ASTN2: variants seen among roughly 807,000 people sequenced by gnomAD.
ASTN2 encodes the protein astrotactin 2.
ASTN2 carries 54 observed loss-of-function variants against 139.8 expected under a neutral mutation model. The observed-to-expected ratio is 0.39, with a 90% CI of 0.31 to 0.48. The LOEUF is 0.48. ASTN2 is among the 20% of genes least tolerant of loss of function. The probability of loss-of-function intolerance (pLI) is 0.95; values close to 1 mark genes in which losing one functional copy is unlikely to be tolerated. For missense variants in ASTN2, 1,565 were observed against 1,725.1 expected (o/e 0.91, Z 1.64); for synonymous variants, 756 against 719.5 (o/e 1.05, Z -0.81).
chr9:116,533,147 T>C (rs1005078176), intron 19 of ASTN2, among the ~76,000 whole-genome samples: 4 of 152,224 alleles, frequency 2.6e-5, no homozygotes, highest in African/African-American at 9.6e-5. Flanking sequence ...TCACTTATGA[T>C]TTGGCTCTCT....
intron 10 of ASTN2, among the ~76,000 whole-genome samples, chr9:116,884,427 A>G (rs1398465858): frequency 6.6e-6 from 1 of 152,172 alleles, no homozygotes; most frequent in African/African-American, 2.4e-5. Context: ...AGTTGGCTGT[A>G]ATCTGAGGTC....
intron 3 of ASTN2, among the ~76,000 whole-genome samples, chr9:117,196,595 G>A (rs535888381): frequency 1.9e-4 from 29 of 152,242 alleles, no homozygotes; most frequent in Middle Eastern, 6.8e-3. Context: ...TGGTATTTAA[G>A]GGTATATCTC....
intron 10 of ASTN2, among the ~76,000 whole-genome samples, chr9:116,948,492 A>C (rs10759876): frequency 0.75 from 114,175 of 152,004 alleles, 43,274 homozygotes; most frequent in Admixed American, 0.84. Context: ...ACAAGATATT[A>C]CTGGTATAAC....
intron 20 of ASTN2, among the ~76,000 whole-genome samples, chr9:116,471,593 G>A (rs1196556635): frequency 5.9e-5 from 9 of 151,984 alleles, no homozygotes; most frequent in Admixed American, 1.3e-4. Flanking sequence ...AAGGAAGTTG[G>A]GCAGTAAAGG....
chr9:116,922,530 C>A (rs923606583), intron 10 of ASTN2, among the ~76,000 whole-genome samples: 5 of 152,032 alleles, frequency 3.3e-5, no homozygotes, highest in Non-Finnish European at 7.4e-5. Flanking sequence ...AATGCATGCA[C>A]AAGTCTGTGT....
At chr9:116,668,409 C>T (rs1859000448) in intron 16 of ASTN2, among the ~76,000 whole-genome samples, 1 of 152,148 alleles carries the variant, frequency 6.6e-6, no homozygotes, top group African/African-American at 2.4e-5. Flanking sequence ...CCAGGCTGAC[C>T]TTGAACTCCT....
chr9:117,307,872 C>A (rs934414287), intron 1 of ASTN2, among the ~76,000 whole-genome samples: 1 of 152,134 alleles, frequency 6.6e-6, no homozygotes, highest in Admixed American at 6.5e-5. Context: ...ACAGAAAGAC[C>A]AAATCCTCTC....
intron 2 of ASTN2, among the ~76,000 whole-genome samples, chr9:117,248,667 C>G (rs1833452876): frequency 1.3e-5 from 2 of 152,198 alleles, no homozygotes; most frequent in African/African-American, 4.8e-5. Flanking sequence ...TTTCTAGAGA[C>G]AGAAGCAAAG....
At chr9:116,861,496 C>T (rs182945538) in intron 11 of ASTN2, among the ~76,000 whole-genome samples, 26 of 152,242 alleles carry the variant, frequency 1.7e-4, no homozygotes, top group Non-Finnish European at 2.8e-4. Flanking sequence ...AGCACTTTTC[C>T]AATGTGCTAT....
At chr9:116,528,481 C>G (rs894523798) in intron 19 of ASTN2, among the ~76,000 whole-genome samples, 4 of 152,102 alleles carry the variant, frequency 2.6e-5, no homozygotes, top group African/African-American at 9.7e-5. Flanking sequence ...AAAAGAGAAG[C>G]AAAGCATAAA....
At chr9:116,756,552 G>C (rs1199257879) in intron 13 of ASTN2, among the ~76,000 whole-genome samples, 1 of 152,030 alleles carries the variant, frequency 6.6e-6, no homozygotes, top group Non-Finnish European at 1.5e-5. Context: ...AAGCCACAGA[G>C]AGAATTTGCA....
In ASTN2 at chr9:116,487,461, A is replaced by C. The variant is rs199818695; in HGVS notation, c.3395T>G (p.Leu1132Arg). 1.2e-5 allele frequency: 19 copies of C among 1,614,074 alleles called. No homozygotes were observed. In the Admixed American group the frequency reaches 2.5e-4, roughly 21 times the overall value. ...LSFADDLLSG[L>R]GTSCVAAGRS... ...ACCAGCTGCTACACAAGATGTGCCC[A>C]GGCCAGAGAGTAAGTCATCAGCAAA... The change falls in exon 20 of 23, where the codon CTG (leucine) becomes CGG (arginine). Residue 1132 changes from leucine (L) to arginine (R), a missense_variant. Coordinates refer to ENST00000313400, the MANE Select transcript of ASTN2 (RefSeq NM_001365068.1).
intron 19 of ASTN2, among the ~76,000 whole-genome samples, chr9:116,596,802 G>A (rs1398344079): frequency 6.6e-6 from 1 of 152,014 alleles, no homozygotes; most frequent in Non-Finnish European, 1.5e-5. Context: ...GATGAAAATG[G>A]GATTAAGACT....
At chr9:116,943,088 G>A (rs1835285731) in intron 10 of ASTN2, among the ~76,000 whole-genome samples, 1 of 152,164 alleles carries the variant, frequency 6.6e-6, no homozygotes, top group Non-Finnish European at 1.5e-5. Flanking sequence ...ACCAGGTCTT[G>A]TTGCCAGTAG....
At chr9:116,785,934 A>G (rs1588291623) in intron 13 of ASTN2, among the ~76,000 whole-genome samples, 1 of 152,182 alleles carries the variant, frequency 6.6e-6, no homozygotes, top group Non-Finnish European at 1.5e-5. Flanking sequence ...CTTCTCACTC[A>G]GAGTAAAATT....
rs564206925 is a variant in ASTN2 at position 117,033,456 on chromosome 9, G to C, written c.1423+6363C>G. On this transcript the variant is annotated intron_variant, in intron 6 of 22. Transcript: ENST00000313400. ...CTTATTCTTAGCAATAACTTTATAAGTACTGCTATTATCCCCAATTTATAG... is the reference window on the plus strand; with the variant it reads ...CTTATTCTTAGCAATAACTTTATAACTACTGCTATTATCCCCAATTTATAG... Among the ~76,000 whole-genome samples the C allele has an allele frequency of 3.3e-5, 5 of 152,184 alleles. No individual in the cohort carries two copies. The East Asian group carries it at 9.6e-4, about 29-fold the overall frequency.
At chr9:117,398,240 CA>C (rs1564184442) in intron 1 of ASTN2, among the ~76,000 whole-genome samples, 1 of 152,102 alleles carries the variant, frequency 6.6e-6, no homozygotes, top group Non-Finnish European at 1.5e-5. Flanking sequence ...ATAAGACGGA[CA>C]GTAAGATTCC....
chr9:117,017,709 TG>T (rs1837756605), intron 6 of ASTN2, among the ~76,000 whole-genome samples: 1 of 152,190 alleles, frequency 6.6e-6, no homozygotes, highest in Non-Finnish European at 1.5e-5. Flanking sequence ...AGGGACAAAA[TG>T]TACATGATAA....
intron 7 of ASTN2, among the ~76,000 whole-genome samples, chr9:116,992,107 G>T (rs1267963290): frequency 6.6e-6 from 1 of 152,196 alleles, no homozygotes; most frequent in African/African-American, 2.4e-5. Context: ...GCTCAAGTTT[G>T]GAGCTGGGAG....
Sources: allele counts gnomAD v4.1 joint callset (sites outside exome capture counted in the v4.1 genomes callset), GRCh38; gene constraint gnomAD v4.1.1; transcripts MANE v1.5; gene names NCBI Gene and HGNC (gene_info 2026-07-23, HGNC 2026-07-21).